KALRN: variants seen among roughly 807,000 people sequenced by gnomAD.
KALRN encodes the protein kalirin RhoGEF kinase.
A neutral mutation model predicts 353.7 loss-of-function variants in KALRN; 70 were observed. That is an observed-to-expected ratio of 0.20 (90% CI 0.16 to 0.24). The LOEUF (loss-of-function observed/expected upper bound fraction) is 0.24. Ranked by LOEUF, KALRN falls within the 10% of genes least tolerant of loss-of-function variation. The pLI is 1.00. For synonymous variants in KALRN, 1,391 were observed against 1,434.8 expected (o/e 0.97, Z 0.69); for missense variants, 2,791 against 3,756.7 (o/e 0.74, Z 6.72).
intron 57 of KALRN, among the ~76,000 whole-genome samples, chr3:124,710,049 G>A (rs184559): frequency 0.45 from 68,501 of 152,102 alleles, 16,080 homozygotes; most frequent in East Asian, 0.71. Flanking sequence ...TGAATGAAAA[G>A]TTTTCCCAAC....
chr3:124,175,824 C>T (rs2072650775), intron 1 of KALRN, among the ~76,000 whole-genome samples: 1 of 152,194 alleles, frequency 6.6e-6, no homozygotes, highest in African/African-American at 2.4e-5. Context: ...CTCTAGCTGT[C>T]CTCTCTTTTA....
intron 10 of KALRN, among the ~76,000 whole-genome samples, chr3:124,356,562 G>C (rs975715840): frequency 6.6e-6 from 1 of 151,976 alleles, no homozygotes; most frequent in African/African-American, 2.4e-5. Context: ...TTGAACTCCT[G>C]ACCTCAGGTG....
At chr3:124,504,443 A>G (rs2064981600) in intron 33 of KALRN, among the ~76,000 whole-genome samples, 1 of 152,128 alleles carries the variant, frequency 6.6e-6, no homozygotes, top group African/African-American at 2.4e-5. Flanking sequence ...GATCCTTGCA[A>G]CAGAAAGAAA....
In KALRN at chr3:124,456,717, C is replaced by T; in HGVS notation, c.3843C>T (p.Ala1281=). 1.2e-6 allele frequency: 2 copies of T among 1,612,014 alleles called. No individual in the cohort carries two copies. The highest frequency in any genetic ancestry group is 2.2e-5 in the South Asian group (2 of 90,964). ...TCAATGAAGAGAAGCGGAAGTCAGC[C>T]CGGAAGAAAGAGTACGTGTTGGCTT... ...HEVNEEKRKS[A]RKKEFIMAEL... The change falls in exon 23 of 60, where the codon GCC becomes GCT. Residue 1281 remains alanine (A), a synonymous_variant. Transcript: ENST00000682506.
intron 25 of KALRN, among the ~76,000 whole-genome samples, chr3:124,464,871 A>C (rs1297340562): frequency 6.6e-6 from 1 of 151,848 alleles, no homozygotes; most frequent in Non-Finnish European, 1.5e-5. Context: ...AAAAAAAAAA[A>C]AAAAACCTCA....
chr3:124,197,621 C>G (rs2075569028), intron 1 of KALRN, among the ~76,000 whole-genome samples: 2 of 152,160 alleles, frequency 1.3e-5, no homozygotes, highest in Non-Finnish European at 2.9e-5. Flanking sequence ...TTGTGGACAT[C>G]TTGTAAAGAT....
At chr3:124,145,386 T>C (rs2067206866) in intron 1 of KALRN, among the ~76,000 whole-genome samples, 2 of 152,186 alleles carry the variant, frequency 1.3e-5, no homozygotes, top group Non-Finnish European at 2.9e-5. Context: ...TCACCCCAGA[T>C]CAATGACATT....
In KALRN at chr3:124,433,751, G is replaced by T. The variant is rs115776555; in HGVS notation, c.2830-556G>T. On this transcript the variant is annotated intron_variant, in intron 16 of 59. Transcript: ENST00000682506. ...GTGAAGTAATTAAGGGATGATGTAG[G>T]AGGTTACTCTCTAGCTTTATTAACC... is the stretch of plus-strand genomic sequence containing the variant. Among the ~76,000 whole-genome samples the T allele has an allele frequency of 9.8e-3, 1,497 of 152,268 alleles. 17 individuals carry two copies. Among genetic ancestry groups the T allele is most frequent in the African/African-American group, 0.034 (1,415 of 41,534 alleles).
intron 51 of KALRN, among the ~76,000 whole-genome samples, chr3:124,691,931 AG>A (rs1034161343): frequency 6.6e-6 from 1 of 152,218 alleles, no homozygotes; most frequent in African/African-American, 2.4e-5. Context: ...GAAATGCAGT[AG>A]GTTCTACCAG....
rs1452277590 is a variant in KALRN, at chr3:124,482,957, T to C, written c.4284+57T>C. The C allele has an allele frequency of 8.3e-6, 10 of 1,206,632 alleles. No individual in the cohort carries two copies. In the African/African-American group the frequency reaches 1.3e-4, roughly 16 times the overall value. 74.7% of individuals were successfully genotyped at this position (1,206,632 alleles called of 1,614,324 possible). On this transcript the variant is annotated intron_variant, in intron 28 of 59. Transcript: ENST00000682506. ...CTGCCTACTGCCTGGGGCAAGGGAGTCCCAGCTTTGGCCCCTAAGGATAGG... is the reference window on the plus strand; with the variant it reads ...CTGCCTACTGCCTGGGGCAAGGGAGCCCCAGCTTTGGCCCCTAAGGATAGG...
chr3:124,645,626 T>TTC (rs71145472), intron 37 of KALRN, among the ~76,000 whole-genome samples: 4,935 of 133,478 alleles, frequency 0.037, 118 homozygotes, highest in East Asian at 0.12. Flanking sequence ...TGAATAATAT[T>TTC]TCTCTCTCTC....
At chr3:124,423,278 C>T (rs2150368211) in intron 15 of KALRN, among the ~76,000 whole-genome samples, 1 of 152,298 alleles carries the variant, frequency 6.6e-6, no homozygotes, top group East Asian at 1.9e-4. Flanking sequence ...ATCCTCAGTC[C>T]TGTCAAGCAG....
At chr3:124,036,161 C>T (rs973419349) in intron 1 of KALRN, among the ~76,000 whole-genome samples, 1 of 152,090 alleles carries the variant, frequency 6.6e-6, no homozygotes, top group Non-Finnish European at 1.5e-5. Context: ...ATTTCATCAC[C>T]TTGGTAATAA....
At chr3:124,177,935 C>G (rs1031498564) in intron 1 of KALRN, among the ~76,000 whole-genome samples, 3 of 152,140 alleles carry the variant, frequency 2.0e-5, no homozygotes, top group African/African-American at 7.2e-5. Flanking sequence ...CTACTTGGTC[C>G]ATGCAAGTGT....
In KALRN at chr3:124,230,574, C is replaced by T. The variant is rs553846654; in HGVS notation, c.148+2510C>T. Among the ~76,000 whole-genome samples, 17 of 152,214 alleles carry T rather than the reference C, an allele frequency of 1.1e-4. No individual in the cohort carries two copies. The East Asian group carries it at 2.5e-3, about 22-fold the overall frequency. ...GTCCTAATGGAGCTCATAGAAGCAA[C>T]GTGGCCAGGAAGGCAGTCAGGAATG... On this transcript the variant is annotated intron_variant, in intron 2 of 59. Transcript: ENST00000682506.
chr3:124,428,549 C>T (rs917330315), intron 15 of KALRN, among the ~76,000 whole-genome samples: 1 of 152,166 alleles, frequency 6.6e-6, no homozygotes, highest in Admixed American at 6.5e-5. Flanking sequence ...CTCTACTATG[C>T]CAGTTCTATG....
chr3:124,558,331 G>A (rs2071534003), intron 33 of KALRN, among the ~76,000 whole-genome samples: 1 of 151,984 alleles, frequency 6.6e-6, no homozygotes, highest in East Asian at 1.9e-4. Flanking sequence ...AGGCTGGAGT[G>A]CAATGGCATG....
chr3:124,482,981 G>A lies in KALRN; in HGVS notation c.4284+81G>A, dbSNP rs185859904. 2.6e-3 allele frequency: 2,475 copies of A among 944,874 alleles called. 8 individuals carry two copies. The highest frequency in any genetic ancestry group is 6.6e-3 in the Middle Eastern group (29 of 4,386). 58.5% of individuals were successfully genotyped at this position (944,874 alleles called of 1,614,324 possible). ...GTCCCAGCTTTGGCCCCTAAGGATA[G>A]GAATGCTTCCACCTGAAGACCTTTC... is the stretch of plus-strand genomic sequence containing the variant. On this transcript the variant is annotated intron_variant, in intron 28 of 59. Coordinates refer to ENST00000682506, the MANE Select transcript of KALRN (RefSeq NM_001388419.1).
chr3:124,361,597 G>A (rs2084041785), intron 10 of KALRN, among the ~76,000 whole-genome samples: 1 of 152,240 alleles, frequency 6.6e-6, no homozygotes, highest in Non-Finnish European at 1.5e-5. Flanking sequence ...TGTGTAAAGA[G>A]AAGCAACATT....
Sources: gnomAD v4.1 joint callset for allele counts (sites outside exome capture counted in the v4.1 genomes callset) on GRCh38, gnomAD v4.1.1 for gene constraint, MANE v1.5 for transcripts, NCBI Gene and HGNC (gene_info 2026-07-23, HGNC 2026-07-21) for gene names.